Variants in FAM3B observed in about 807,000 individuals in gnomAD.
FAM3B encodes the protein protein FAM3B.
A neutral mutation model predicts 28.4 loss-of-function variants in FAM3B; 29 were observed. The observed-to-expected ratio is 1.02, with a 90% confidence interval of 0.76 to 1.39. FAM3B has a LOEUF of 1.39. Ranked by LOEUF, FAM3B falls within the 40% of genes most tolerant of loss-of-function variation. The pLI, the probability that FAM3B is intolerant of heterozygous loss-of-function variation, is 0.00. For synonymous variants in FAM3B, 91 were observed against 103.0 expected (o/e 0.88, Z 0.71); for missense variants, 266 against 293.9 (o/e 0.91, Z 0.69).
chr21:41,313,387 C>T (rs1382560462), upstream of FAM3B, among the ~76,000 whole-genome samples: 1 of 152,264 alleles, frequency 6.6e-6, no homozygotes, highest in Admixed American at 6.5e-5. Flanking sequence ...TGCGTCTGCA[C>T]TCAGGGGAAA....
rs138848552 is a variant in FAM3B at position 41,307,427 on chromosome 21, G to A, written n.99+3117G>A. ...GCTATTTCACTTTCTTATCATTTCT[G>A]TTTTCACTGGGGTGGCACTTATCAT... On this transcript the variant is annotated intron_variant and non_coding_transcript_variant, in intron 1 of 9. Coordinates refer to the FAM3B transcript ENST00000479810. Among the ~76,000 whole-genome samples the A allele has an allele frequency of 5.0e-3, 767 of 152,264 alleles. 5 individuals are homozygous for A. Among genetic ancestry groups the A allele is most frequent in the African/African-American group, 0.018 (731 of 41,570 alleles).
In FAM3B at chr21:41,326,708, G is replaced by T. The variant is rs931005188; in HGVS notation, c.163+3642G>T. ...CCCCCACAATGGCCCCGCTGGAGAC[G>T]CCAGCACCAGCCCTTTGGGTGAGTG... On this transcript the variant is annotated intron_variant, in intron 2 of 7. Transcript: ENST00000357985. The surrounding 1 kb of genome is among the most constrained non-coding windows in gnomAD (Gnocchi z 4.0). 6.6e-6 allele frequency among the ~76,000 whole-genome samples: 1 copy of T among 152,222 alleles called. No homozygotes were observed. Among genetic ancestry groups the T allele is most frequent in the African/African-American group, 2.4e-5 (1 of 41,466 alleles).
At position 41,347,001 on chromosome 21, in the gene FAM3B, A is replaced by G. The variant is rs768309277; in HGVS notation, c.398-12A>G. ...AGCAAAGACCCTAAAACTGACTTGC[A>G]TCCCCCAATAGATAACTCTGGACCG... On this transcript the variant is annotated splice_polypyrimidine_tract_variant and intron_variant, in intron 5 of 7. Coordinates refer to ENST00000357985, the MANE Select transcript of FAM3B (RefSeq NM_058186.4). 6.2e-7 allele frequency: 1 copy of G among 1,613,858 alleles called. No individual in the cohort carries two copies.
At chr21:41,309,767 A>T (rs1483767957) in intron 1 of FAM3B, among the ~76,000 whole-genome samples, 1 of 152,202 alleles carries the variant, frequency 6.6e-6, no homozygotes, top group Non-Finnish European at 1.5e-5. Flanking sequence ...TGAATATTTG[A>T]TGGCTGTCCT....
intron 1 of FAM3B, among the ~76,000 whole-genome samples, chr21:41,308,078 C>T (rs1024077466): frequency 2.6e-5 from 4 of 152,198 alleles, no homozygotes; most frequent in Non-Finnish European, 5.9e-5. Flanking sequence ...CTTTTTTATA[C>T]ATAATCCCTT....
At chr21:41,324,214 A>G (rs11908759) in intron 2 of FAM3B, among the ~76,000 whole-genome samples, 7,668 of 152,316 alleles carry the variant, frequency 0.05, 632 homozygotes, top group African/African-American at 0.17. Flanking sequence ...CCTGTCAGAG[A>G]CAAGATTTGT....
chr21:41,321,178 C>T (rs977937964), intron 1 of FAM3B, among the ~76,000 whole-genome samples: 5 of 152,202 alleles, frequency 3.3e-5, no homozygotes, highest in African/African-American at 1.2e-4. Context: ...TTCCTTTGAA[C>T]GTGTTCTGCT....
At chr21:41,350,834 T>G (rs997364190) in intron 7 of FAM3B, among the ~76,000 whole-genome samples, 19 of 152,188 alleles carry the variant, frequency 1.2e-4, no homozygotes, top group Admixed American at 7.2e-4. Context: ...GTTTTCCTCC[T>G]CCTCTTTCCT....
chr21:41,314,234 A>C (rs1601345491), upstream of FAM3B, among the ~76,000 whole-genome samples: 1 of 152,356 alleles, frequency 6.6e-6, no homozygotes, highest in East Asian at 1.9e-4. Flanking sequence ...ATCAGTCTGC[A>C]AGCCAGGGAA....
intron 4 of FAM3B, among the ~76,000 whole-genome samples, chr21:41,345,370 G>A (rs1050118290): frequency 1.9e-4 from 29 of 151,866 alleles, no homozygotes; most frequent in Non-Finnish European, 3.5e-4. Flanking sequence ...TGTGGGATGA[G>A]GCGGGTGGGC....
chr21:41,327,655 T>C (rs1197506948), intron 2 of FAM3B, among the ~76,000 whole-genome samples: 1 of 152,254 alleles, frequency 6.6e-6, no homozygotes, highest in Non-Finnish European at 1.5e-5. Flanking sequence ...TCTAGTTTCA[T>C]ACCCTCATGG....
intron 5 of FAM3B, chr21:41,346,050 T>C: frequency 4.1e-6 from 1 of 243,258 alleles, no homozygotes; most frequent in South Asian, 4.5e-5. Context: ...AAATACATTA[T>C]ATGTAAAATA....
At chr21:41,312,511 C>A (rs913767810), upstream of FAM3B, among the ~76,000 whole-genome samples, 2 of 152,102 alleles carry the variant, frequency 1.3e-5, no homozygotes, top group African/African-American at 4.8e-5. Context: ...ACCTTGAGAC[C>A]TGCTGGGCTG....
rs771319559 is a variant in FAM3B at position 41,338,359 on chromosome 21, A to G, written c.164-19A>G. On this transcript the variant is annotated intron_variant, in intron 2 of 7. Transcript: ENST00000357985. Reference sequence around the variant, plus strand: ...TACTGTGGGATGTTAATGGCTATATACTTTCTTATTCATTACAGCTCCAGT... The same window carrying G: ...TACTGTGGGATGTTAATGGCTATATGCTTTCTTATTCATTACAGCTCCAGT... 5 of 1,613,618 alleles carry G rather than the reference A, an allele frequency of 3.1e-6. No individual in the cohort carries two copies. In the African/African-American group the frequency reaches 4.0e-5, roughly 13 times the overall value.
intron 2 of FAM3B, among the ~76,000 whole-genome samples, chr21:41,335,582 C>T (rs1277106304): frequency 6.6e-6 from 1 of 152,158 alleles, no homozygotes; most frequent in Non-Finnish European, 1.5e-5. Flanking sequence ...TGAGGCCTCC[C>T]CAGAAGCTCA....
intron 2 of FAM3B, among the ~76,000 whole-genome samples, chr21:41,333,637 A>C (rs1374729697): frequency 6.6e-6 from 1 of 152,214 alleles, no homozygotes; most frequent in Non-Finnish European, 1.5e-5. Context: ...TAAATTACCC[A>C]GTCTCAGATA....
Position 41,347,057 on chromosome 21 carries a change from A to G in FAM3B, c.442A>G (p.Lys148Glu), listed in dbSNP as rs757385893. The G allele has an allele frequency of 3.1e-6, 5 of 1,614,154 alleles. No individual in the cohort carries two copies. The highest frequency in any genetic ancestry group is 1.6e-4 in the Middle Eastern group (1 of 6,062). The part of the protein sequence containing the change: ...MTKFIQSAAP[K>E]SLLFMVTYDD... ...AAAGTTTATTCAGAGTGCTGCTCCA[A>G]AATCCCTGCTCTTCATGGTGACCTA... The change falls in exon 6 of 8, where the codon AAA (lysine) becomes GAA (glutamate). Residue 148 changes from lysine to glutamate, a missense_variant. Transcript: ENST00000357985.
At position 41,306,380 on chromosome 21, in the gene FAM3B, G is replaced by A. The variant is rs535874376; in HGVS notation, n.99+2070G>A. On this transcript the variant is annotated intron_variant and non_coding_transcript_variant, in intron 1 of 9. Transcript: ENST00000479810. ...TTCAATGCAGAATCCCTTCCAGAAG[G>A]TTTTCAATTGACTTTGCCCAGATCC... is the stretch of plus-strand genomic sequence containing the variant. 7.9e-5 allele frequency among the ~76,000 whole-genome samples: 12 copies of A among 152,186 alleles called. 1 individual carries two copies. In the South Asian group the frequency reaches 1.7e-3, roughly 21 times the overall value.
rs1601375127 is a variant in FAM3B at position 41,350,531 on chromosome 21, G to T, written c.618+1807G>T. On this transcript the variant is annotated intron_variant, in intron 7 of 7. Coordinates refer to ENST00000357985, the MANE Select transcript of FAM3B (RefSeq NM_058186.4). Reference sequence around the variant, plus strand: ...AGCTGGGCCTTCCTGGAGCTCCCCGGGTCCTGCCCCACCAGCCCACCCCAA... The same window carrying T: ...AGCTGGGCCTTCCTGGAGCTCCCCGTGTCCTGCCCCACCAGCCCACCCCAA... Among the ~76,000 whole-genome samples, 8 of 152,282 alleles carry T rather than the reference G, an allele frequency of 5.3e-5. No homozygotes were observed. In the South Asian group the frequency reaches 1.7e-3, roughly 32 times the overall value.
Sources: allele counts gnomAD v4.1 joint callset (sites outside exome capture counted in the v4.1 genomes callset), GRCh38; gene constraint gnomAD v4.1.1; non-coding constraint Gnocchi (gnomAD v3.1); transcripts MANE v1.5; gene names NCBI Gene and HGNC (gene_info 2026-07-23, HGNC 2026-07-21).